Variants in M6PR observed in about 807,000 individuals in gnomAD.
The protein encoded by M6PR is mannose-6-phosphate receptor, cation dependent, also known as cation-dependent mannose-6-phosphate receptor.
In M6PR, 19 loss-of-function variants were observed where a neutral mutation model predicts 33.1. That is an observed-to-expected ratio of 0.57 (90% CI 0.40 to 0.84). The LOEUF is 0.84. Among genes scored for constraint, M6PR ranks in the 40% least tolerant of loss-of-function variants. M6PR has a pLI of 0.00. For missense variants in M6PR, 295 were observed against 336.0 expected (o/e 0.88, Z 0.95); for synonymous variants, 111 against 123.4 (o/e 0.90, Z 0.67).
intron 5 of M6PR, 28 bp from the exon 6 acceptor site, chr12:8,942,570 T>TG (rs746473411): frequency 3.1e-6 from 5 of 1,608,502 alleles, no homozygotes; most frequent in Non-Finnish European, 4.3e-6. Context: ...CATCTATACT[T>TG]AAGAACTGGG....
intron 3 of M6PR, chr12:8,945,187 T>G: frequency 2.3e-6 from 1 of 440,744 alleles, no homozygotes; most frequent in Non-Finnish European, 4.1e-6. Context: ...CTGGCTAGAG[T>G]CTTCATTTTG....
At chr12:8,942,228 G>T in intron 6 of M6PR, 188 bp downstream of exon 6, 3 of 745,424 alleles carry the variant, frequency 4.0e-6, no homozygotes, top group Non-Finnish European at 6.4e-6. Flanking sequence ...TCTTACCAAG[G>T]CCAGAAATGG....
intron 1 of M6PR, among the ~76,000 whole-genome samples, chr12:8,948,340 A>G (rs1436692951): frequency 1.3e-5 from 2 of 152,240 alleles, no homozygotes; most frequent in Non-Finnish European, 2.9e-5. Flanking sequence ...GAAAATAGGT[A>G]TAATTTTTCA....
chr12:8,947,182 G>A (rs1474009708), intron 1 of M6PR, among the ~76,000 whole-genome samples: 2 of 152,186 alleles, frequency 1.3e-5, no homozygotes, highest in African/African-American at 4.8e-5. Flanking sequence ...TACAAAAAAC[G>A]CTGCAAGTCT....
intron 1 of M6PR, among the ~76,000 whole-genome samples, chr12:8,947,381 C>G (rs1946110195): frequency 6.6e-6 from 1 of 152,170 alleles, no homozygotes; most frequent in Admixed American, 6.5e-5. Context: ...CCCTAAACAA[C>G]CTAACATCTG....
chr12:8,946,495 G>T, intron 1 of M6PR, 90 bp from the exon 2 acceptor site: 2 of 986,610 alleles, frequency 2.0e-6, no homozygotes, highest in Non-Finnish European at 3.1e-6. Flanking sequence ...TAAATCGATG[G>T]TATTTTAATT....
Position 8,943,884 on chromosome 12 carries a change from C to T in M6PR, c.370G>A (p.Gly124Arg), listed in dbSNP as rs778586736. The T allele has an allele frequency of 2.1e-5, 34 of 1,613,628 alleles. No homozygotes were observed. Among genetic ancestry groups the T allele is most frequent in the Non-Finnish European group, 2.7e-5 (32 of 1,179,860 alleles). ...GSNWIMLIYK[G>R]GDEYDNHCGK... ...CAGTGGTTGTCATATTCATCACCCC[C>T]TTTATAGATCAGCATGATCCAATTA... The change falls in exon 4 of 7, where the codon GGG becomes AGG. Residue 124 changes from glycine to arginine, a missense_variant. Coordinates refer to ENST00000000412, the MANE Select transcript of M6PR (RefSeq NM_002355.4).
chr12:8,942,272 A>T, intron 6 of M6PR, 144 bp downstream of exon 6: 1 of 1,089,224 alleles, frequency 9.2e-7, no homozygotes, highest in Non-Finnish European at 1.3e-6. Context: ...TACTAGGGCA[A>T]CTGTCTTGTT....
chr12:8,943,482 G>T lies in M6PR; in HGVS notation c.507C>A (p.Tyr169Ter). 1 of 1,614,156 alleles carries T rather than the reference G, an allele frequency of 6.2e-7. No individual in the cohort carries two copies. Among genetic ancestry groups the T allele is most frequent in the East Asian group, 2.2e-5 (1 of 44,876 alleles). Residue 169 changes from tyrosine to a stop codon, truncating the protein, a stop_gained, in exon 5 of 7, where the codon TAC (tyrosine) becomes TAA (stop). Transcript: ENST00000000412. LOFTEE classifies it high-confidence loss of function. ...EERGKVQDCF[Y>*]LFEMDSSLAC... is the part of the protein sequence containing the mutation. The stretch of plus-strand genomic sequence containing the variant: ...CCAGGCTGCTATCCATCTCAAAGAG[G>T]TAGAAACAATCTTGGACTTTGCCAC...
At chr12:8,943,140 C>T (rs1049325690) in intron 5 of M6PR, among the ~76,000 whole-genome samples, 6 of 151,978 alleles carry the variant, frequency 3.9e-5, no homozygotes, top group East Asian at 1.9e-4. Context: ...TTAGTAGAGA[C>T]GGAGTTTCAT....
At chr12:8,943,583 T>C (rs760682723) in intron 4 of M6PR, 48 bp from the exon 5 acceptor site, 4 of 1,611,572 alleles carry the variant, frequency 2.5e-6, no homozygotes, top group Non-Finnish European at 3.4e-6. Flanking sequence ...GTGTTTTGAC[T>C]CCTGTCCAAC....
chr12:8,941,289 G>C lies in M6PR; in HGVS notation c.*529C>G, dbSNP rs890284050. 3 of 242,074 alleles carry C rather than the reference G, an allele frequency of 1.2e-5. No individual in the cohort carries two copies. Among genetic ancestry groups the C allele is most frequent in the African/African-American group, 7.0e-5 (3 of 42,908 alleles). 15.0% of individuals were successfully genotyped at this position (242,074 alleles called of 1,614,324 possible). A position where few individuals can be genotyped will look rare whatever the true frequency, so the allele number is the denominator to read the frequency against. On this transcript the variant is annotated 3_prime_UTR_variant, in exon 7 of 7. Coordinates refer to ENST00000000412, the MANE Select transcript of M6PR (RefSeq NM_002355.4). Reference sequence around the variant, plus strand: ...GAACATCTCCAGGCTCAGACTAAACGAGAGTACTTGGACTGCAACCAAGTA... The same window carrying C: ...GAACATCTCCAGGCTCAGACTAAACCAGAGTACTTGGACTGCAACCAAGTA...
Position 8,943,405 on chromosome 12 carries a change from G to A in M6PR, c.584C>T (p.Thr195Met), listed in dbSNP as rs1946052902. The A allele has an allele frequency of 3.1e-6, 5 of 1,613,986 alleles. No individual in the cohort carries two copies. Among genetic ancestry groups the A allele is most frequent in the Non-Finnish European group, 3.4e-6 (4 of 1,179,978 alleles). ...TTCTGATAAAGGAAGGCATACTCAC[G>A]TGACAAGTAAGATGGAACCCACACT... ...HLSVGSILLV[T>M]FASLVAVYVV... Residue 195 changes from threonine (T) to methionine (M), a missense_variant and splice_region_variant, in exon 5 of 7, where the codon ACG becomes ATG. Coordinates refer to ENST00000000412, the MANE Select transcript of M6PR (RefSeq NM_002355.4).
Position 8,945,457 on chromosome 12 carries a change from C to G in M6PR, c.304G>C (p.Val102Leu). 6.2e-7 allele frequency: 1 copy of G among 1,614,166 alleles called. No homozygotes were observed. Among genetic ancestry groups the G allele is most frequent in the Non-Finnish European group, 8.5e-7 (1 of 1,180,040 alleles). Residue 102 changes from valine (V) to leucine (L), a missense_variant, in exon 3 of 7, where the codon GTG becomes CTG. Val to Leu is a conservative substitution (Grantham distance 32). Transcript: ENST00000000412. Reference protein sequence around the residue: ...QINKSNGKETVVGRLNETHIF... With the variant: ...QINKSNGKETLVGRLNETHIF... Reference sequence around the variant, plus strand: ...TGAGTCTCGTTGAGTCTCCCTACCACTGTCTCCTTCCCATTACTTTTGTTG... The same window carrying G: ...TGAGTCTCGTTGAGTCTCCCTACCAGTGTCTCCTTCCCATTACTTTTGTTG...
At position 8,945,592 on chromosome 12, in the gene M6PR, G is replaced by C; in HGVS notation, c.177-8C>G. The C allele has an allele frequency of 6.2e-7, 1 of 1,612,244 alleles. No individual in the cohort carries two copies. Among genetic ancestry groups the C allele is most frequent in the Non-Finnish European group, 8.5e-7 (1 of 1,178,836 alleles). ...CCCACAGTGCTCTCAAAGCTGTAAA[G>C]AGAAGTGGGAAGAAAGAAGAGGAGA... is the stretch of plus-strand genomic sequence containing the variant. On this transcript the variant is annotated splice_region_variant and splice_polypyrimidine_tract_variant and intron_variant, in intron 2 of 6. Coordinates refer to ENST00000000412, the MANE Select transcript of M6PR (RefSeq NM_002355.4).
In M6PR at chr12:8,946,351, A is replaced by G. The variant is rs1424238205; in HGVS notation, c.54T>C (p.Ala18=). 7.4e-6 allele frequency: 12 copies of G among 1,614,138 alleles called. No individual in the cohort carries two copies. The highest frequency in any genetic ancestry group is 1.0e-5 in the Non-Finnish European group (12 of 1,180,018). The change falls in exon 2 of 7, where the codon GCT becomes GCC. Residue 18 remains alanine (A), a synonymous_variant. Coordinates refer to ENST00000000412, the MANE Select transcript of M6PR (RefSeq NM_002355.4). ...TCTGCCAGGATTCTCTCACTGCCAC[A>G]GCCAGGAGTAGTAGTAGCAGTCCAG... is the stretch of plus-strand genomic sequence containing the variant. ...WRTGLLLLLL[A]VAVRESWQTE... is the part of the protein sequence containing the mutation.
At chr12:8,942,058 A>T (rs1946019886) in intron 6 of M6PR, 118 bp from the exon 7 acceptor site, 1 of 1,134,100 alleles carries the variant, frequency 8.8e-7, no homozygotes, top group Non-Finnish European at 1.3e-6. Flanking sequence ...ATAATGAGAA[A>T]ACCTAAAAGA....
intron 6 of M6PR, 100 bp downstream of exon 6, chr12:8,942,316 C>T (rs1030666252): frequency 1.7e-5 from 27 of 1,544,284 alleles, no homozygotes; most frequent in South Asian, 1.7e-4. Flanking sequence ...CACTCAATGT[C>T]CTGTGTCCCA....
chr12:8,942,715 G>C lies in M6PR; in HGVS notation c.585-173C>G, dbSNP rs754740986. On this transcript the variant is annotated intron_variant, in intron 5 of 6. Transcript: ENST00000000412. ...CTGGTAACTCTTAGAAAACCAGTTA[G>C]AGTGCTGTCAGTCCAAGAGAAGCAA... 2.8e-4 allele frequency among the ~76,000 whole-genome samples: 42 copies of C among 152,376 alleles called. No individual in the cohort carries two copies. In the South Asian group the frequency reaches 8.1e-3, roughly 29 times the overall value.
Sources: allele counts gnomAD v4.1 joint callset (sites outside exome capture counted in the v4.1 genomes callset), GRCh38; gene constraint gnomAD v4.1.1; transcripts MANE v1.5; gene names NCBI Gene and HGNC (gene_info 2026-07-23, HGNC 2026-07-21).